RNF180: variants seen among roughly 807,000 people sequenced by gnomAD.
RNF180 encodes E3 ubiquitin-protein ligase RNF180.
RNF180 carries 38 observed loss-of-function variants against 59.2 expected under a neutral mutation model. That is an observed-to-expected ratio of 0.64 (90% CI 0.50 to 0.84). The LOEUF (loss-of-function observed/expected upper bound fraction) is 0.84, where lower values mean the gene tolerates loss of function less well. RNF180 is among the 40% of genes least tolerant of loss of function. RNF180 has a pLI of 0.00. For missense variants in RNF180, 705 were observed against 700.9 expected, an observed-to-expected ratio of 1.01 and a Z score of -0.07; for synonymous variants, 262 against 240.3, an observed-to-expected ratio of 1.09 and a Z score of -0.84.
Position 64,183,002 on chromosome 5 carries a change from G to A in RNF180, c.-1+17049G>A, listed in dbSNP as rs75872438. The stretch of plus-strand genomic sequence containing the variant: ...TTCCTTACCTTCTGCTACTGTAGCC[G>A]GCTAAGATGCCAGCAGGTTGGGGAG... On this transcript the variant is annotated intron_variant, in intron 1 of 7. Coordinates refer to ENST00000389100, the MANE Select transcript of RNF180 (RefSeq NM_001113561.2). 8.7e-4 allele frequency among the ~76,000 whole-genome samples: 132 copies of A among 152,242 alleles called. 1 individual carries two copies. Among genetic ancestry groups the A allele is most frequent in the African/African-American group, 3.0e-3 (124 of 41,562 alleles).
At chr5:64,262,391 A>G (rs1217397025) in intron 5 of RNF180, among the ~76,000 whole-genome samples, 2 of 152,158 alleles carry the variant, frequency 1.3e-5, no homozygotes, top group African/African-American at 4.8e-5. Context: ...TGCCTTTCAT[A>G]TACCAACTTG....
chr5:64,271,157 GTAAA>G (rs1390638731), intron 5 of RNF180, among the ~76,000 whole-genome samples: 2 of 151,984 alleles, frequency 1.3e-5, no homozygotes, highest in South Asian at 2.1e-4. Context: ...AATGTAGAAA[GTAAA>G]TAAAAAACTA....
chr5:64,344,487 C>T (rs749637430), intron 7 of RNF180, among the ~76,000 whole-genome samples: 1 of 151,828 alleles, frequency 6.6e-6, no homozygotes, highest in Non-Finnish European at 1.5e-5. Flanking sequence ...TCTACTATCA[C>T]ACTTGGAGAT....
intron 5 of RNF180, among the ~76,000 whole-genome samples, chr5:64,290,775 T>C (rs757892066): frequency 3.9e-5 from 6 of 152,196 alleles, no homozygotes; most frequent in Non-Finnish European, 8.8e-5. Flanking sequence ...TGTCTTTGCA[T>C]GTGAGATGGG....
intron 5 of RNF180, among the ~76,000 whole-genome samples, chr5:64,280,618 G>T (rs1741962317): frequency 6.6e-6 from 1 of 151,824 alleles, no homozygotes; most frequent in Admixed American, 6.6e-5. Flanking sequence ...ATGGTTTTAG[G>T]TGTGCAGCTT....
At chr5:64,260,417 A>G (rs1744264452) in intron 5 of RNF180, among the ~76,000 whole-genome samples, 1 of 152,166 alleles carries the variant, frequency 6.6e-6, no homozygotes, top group South Asian at 2.1e-4. Flanking sequence ...TTTTGAAGTA[A>G]ATTATTTCAT....
chr5:64,209,768 G>A (rs72752803), intron 2 of RNF180, among the ~76,000 whole-genome samples: 13,846 of 152,062 alleles, frequency 0.091, 758 homozygotes, highest in South Asian at 0.17. Flanking sequence ...CTGTAAGATT[G>A]TTTTAAAGAA....
intron 5 of RNF180, among the ~76,000 whole-genome samples, chr5:64,254,166 G>A (rs1743777512): frequency 6.6e-6 from 1 of 152,148 alleles, no homozygotes; most frequent in Admixed American, 6.6e-5. Context: ...AAGGCAAGTT[G>A]TTTTTAAGGT....
intron 5 of RNF180, among the ~76,000 whole-genome samples, chr5:64,282,611 C>T (rs954017890): frequency 6.6e-6 from 1 of 152,002 alleles, no homozygotes; most frequent in Non-Finnish European, 1.5e-5. Flanking sequence ...TCTCTAGTTC[C>T]TCTAGGTATG....
At chr5:64,260,192 TC>T (rs1267238120) in intron 5 of RNF180, among the ~76,000 whole-genome samples, 1 of 151,310 alleles carries the variant, frequency 6.6e-6, no homozygotes, top group Non-Finnish European at 1.5e-5. Context: ...TGTGACATAG[TC>T]TTGTGAACTG....
intron 5 of RNF180, among the ~76,000 whole-genome samples, chr5:64,297,799 T>C (rs1409665054): frequency 6.6e-6 from 1 of 152,102 alleles, no homozygotes; most frequent in Non-Finnish European, 1.5e-5. Flanking sequence ...TTACTTGAAA[T>C]GACAGGAAAA....
intron 7 of RNF180, among the ~76,000 whole-genome samples, chr5:64,350,345 T>G (rs1745747787): frequency 6.6e-6 from 1 of 152,176 alleles, no homozygotes. Flanking sequence ...TGCAAAAATT[T>G]TCTCCCGTTC....
chr5:64,256,949 A>G (rs931587480), intron 5 of RNF180, among the ~76,000 whole-genome samples: 1 of 152,024 alleles, frequency 6.6e-6, no homozygotes, highest in African/African-American at 2.4e-5. Flanking sequence ...TAGGTATTTT[A>G]TTATCTTTGA....
At chr5:64,352,078 G>T (rs1313224893) in intron 7 of RNF180, among the ~76,000 whole-genome samples, 1 of 151,934 alleles carries the variant, frequency 6.6e-6, no homozygotes, top group Non-Finnish European at 1.5e-5. Context: ...CTCAATTTCA[G>T]AGCCTGTTAT....
At chr5:64,229,077 A>C (rs532645634) in intron 5 of RNF180, among the ~76,000 whole-genome samples, 1 of 151,984 alleles carries the variant, frequency 6.6e-6, no homozygotes, top group Non-Finnish European at 1.5e-5. Context: ...ACACATCACC[A>C]AGCCCAGCTA....
chr5:64,338,844 A>C (rs1304822110), intron 7 of RNF180, among the ~76,000 whole-genome samples: 2 of 151,964 alleles, frequency 1.3e-5, no homozygotes, highest in African/African-American at 4.8e-5. Flanking sequence ...TACTTCCTCA[A>C]TTTGTTAATG....
At position 64,277,158 on chromosome 5, in the gene RNF180, T is replaced by C. The variant is rs1246498643; in HGVS notation, c.1228-48028T>C. On this transcript the variant is annotated intron_variant, in intron 5 of 7. Coordinates refer to ENST00000389100, the MANE Select transcript of RNF180 (RefSeq NM_001113561.2). Reference sequence around the variant, plus strand: ...AGGTTAAATGAAGTTAGGATCCTAATACAATAGGATGGGTGGTCTTAAAAA... The same window carrying C: ...AGGTTAAATGAAGTTAGGATCCTAACACAATAGGATGGGTGGTCTTAAAAA... 3.8e-5 allele frequency among the ~76,000 whole-genome samples: 4 copies of C among 103,982 alleles called. No homozygotes were observed. The East Asian group carries it at 7.8e-4, about 20-fold the overall frequency. 68.2% of individuals were successfully genotyped at this position (103,982 alleles called of 152,430 possible).
chr5:64,285,713 G>A (rs777361331), intron 5 of RNF180, among the ~76,000 whole-genome samples: 1 of 151,958 alleles, frequency 6.6e-6, no homozygotes, highest in Non-Finnish European at 1.5e-5. Context: ...GCTCAGATTG[G>A]ACTATCTCTG....
chr5:64,190,602 C>T (rs533647114), intron 1 of RNF180, among the ~76,000 whole-genome samples: 1 of 152,108 alleles, frequency 6.6e-6, no homozygotes, highest in Non-Finnish European at 1.5e-5. Context: ...GTCCTCTCCC[C>T]TAAATCCATA....
Sources: allele counts gnomAD v4.1 joint callset (sites outside exome capture counted in the v4.1 genomes callset), GRCh38; gene constraint gnomAD v4.1.1; transcripts MANE v1.5; gene names NCBI Gene and HGNC (gene_info 2026-07-23, HGNC 2026-07-21).